JAKMIP1: variants seen among roughly 807,000 people sequenced by gnomAD.
The protein encoded by JAKMIP1 is janus kinase and microtubule interacting protein 1.
In JAKMIP1, 33 loss-of-function variants were observed where a neutral mutation model predicts 113.0. That is an observed-to-expected ratio of 0.29 (90% CI 0.22 to 0.39). JAKMIP1 has a LOEUF of 0.39. Ranked by LOEUF, JAKMIP1 falls within the 10% of genes least tolerant of loss-of-function variation. The pLI, the probability that JAKMIP1 is intolerant of heterozygous loss-of-function variation, is 1.00. For synonymous variants in JAKMIP1, 480 were observed against 459.9 expected (o/e 1.04, Z -0.56); for missense variants, 813 against 1,080.5 (o/e 0.75, Z 3.47).
intron 1 of JAKMIP1, among the ~76,000 whole-genome samples, chr4:6,171,690 C>A (rs895547750): frequency 6.6e-6 from 1 of 152,160 alleles, no homozygotes; most frequent in African/African-American, 2.4e-5. Flanking sequence ...TGAAGGTTGG[C>A]GGTTCACCCT....
At chr4:6,115,310 T>A (rs2108895678) in intron 1 of JAKMIP1, among the ~76,000 whole-genome samples, 1 of 152,280 alleles carries the variant, frequency 6.6e-6, no homozygotes, top group East Asian at 1.9e-4. Flanking sequence ...CTCAGGAGGC[T>A]GAGACAGGAG....
intron 18 of JAKMIP1, among the ~76,000 whole-genome samples, 159 bp from the exon 19 acceptor site, chr4:6,036,266 A>G (rs1186692094): frequency 3.3e-5 from 5 of 152,170 alleles, no homozygotes; most frequent in Non-Finnish European, 7.4e-5. Context: ...TGCCCGGGGG[A>G]GCAGGCTGTG....
At position 6,094,397 on chromosome 4, in the gene JAKMIP1, T is replaced by C. The variant is rs748584293; in HGVS notation, c.625-8768A>G. 6.6e-6 allele frequency among the ~76,000 whole-genome samples: 1 copy of C among 152,158 alleles called. No individual in the cohort carries two copies. Among genetic ancestry groups the C allele is most frequent in the Non-Finnish European group, 1.5e-5 (1 of 68,022 alleles). The stretch of plus-strand genomic sequence containing the variant: ...GAGAAGGCCAGAAATGGGCCACTCC[T>C]ACCCAACTGACAGGAGGAATCGTGC... On this transcript the variant is annotated intron_variant, in intron 3 of 20. Transcript: ENST00000409021. This position sits in a 1 kb window ranked among gnomAD's most constrained non-coding sequence, Gnocchi z 4.2.
chr4:6,181,799 C>T lies in JAKMIP1; in HGVS notation c.-148+18454G>A, dbSNP rs1201898807. Among the ~76,000 whole-genome samples, 3 of 152,178 alleles carry T rather than the reference C, an allele frequency of 2.0e-5. No homozygotes were observed. The highest frequency in any genetic ancestry group is 4.4e-5 in the Non-Finnish European group (3 of 68,030). ...ACATGAATCTCACACAGCCCCTTCC[C>T]TCACAGAGCTCTAGCCAGCGGGGAA... On this transcript the variant is annotated intron_variant, in intron 1 of 20. Transcript: ENST00000409021. This position sits in a 1 kb window ranked among gnomAD's most constrained non-coding sequence, Gnocchi z 5.4.
At chr4:6,047,271 A>C (rs897582580) in intron 16 of JAKMIP1, among the ~76,000 whole-genome samples, 2 of 152,260 alleles carry the variant, frequency 1.3e-5, no homozygotes, top group Non-Finnish European at 2.9e-5. Context: ...CGTGCTCAGC[A>C]CTTGACACTA....
intron 19 of JAKMIP1, among the ~76,000 whole-genome samples, chr4:6,035,630 A>G (rs901550721): frequency 6.6e-6 from 1 of 152,230 alleles, no homozygotes; most frequent in African/African-American, 2.4e-5. Context: ...AACAGCGTGC[A>G]GATGCTGGAG....
At position 6,042,108 on chromosome 4, in the gene JAKMIP1, T is replaced by C. The variant is rs1035703163; in HGVS notation, c.2097+51A>G. On this transcript the variant is annotated intron_variant, in intron 17 of 20. Coordinates refer to ENST00000409021, the MANE Select transcript of JAKMIP1 (RefSeq NM_001099433.2). This position sits in a 1 kb window ranked among gnomAD's most constrained non-coding sequence, Gnocchi z 5.2. ...CAAAGCCTTCCTGCAAATCAACCTC[T>C]CTGAGCTCTTTGAACCCTCTCCCCC... 1.4e-6 allele frequency: 2 copies of C among 1,425,726 alleles called. No homozygotes were observed. The highest frequency in any genetic ancestry group is 1.4e-5 in the African/African-American group (1 of 70,960). 88.3% of individuals were successfully genotyped at this position (1,425,726 alleles called of 1,614,324 possible).
rs1373400353 is a variant in JAKMIP1 at position 6,080,684 on chromosome 4, G to A, written c.1102-372C>T. Among the ~76,000 whole-genome samples the A allele has an allele frequency of 6.6e-6, 1 of 152,128 alleles. No homozygotes were observed. Among genetic ancestry groups the A allele is most frequent in the Non-Finnish European group, 1.5e-5 (1 of 68,028 alleles). On this transcript the variant is annotated intron_variant, in intron 6 of 20. Coordinates refer to ENST00000409021, the MANE Select transcript of JAKMIP1 (RefSeq NM_001099433.2). This position sits in a 1 kb window ranked among gnomAD's most constrained non-coding sequence, Gnocchi z 6.0. Reference sequence around the variant, plus strand: ...GTGCCTTTAGCTTTCTGCCATGATTGTGAGGCCTCCCCAGCCACGTGAAAC... The same window carrying A: ...GTGCCTTTAGCTTTCTGCCATGATTATGAGGCCTCCCCAGCCACGTGAAAC...
chr4:6,032,558 C>T (rs79258309), intron 19 of JAKMIP1, among the ~76,000 whole-genome samples: 17,572 of 152,234 alleles, frequency 0.12, 1,448 homozygotes, highest in African/African-American at 0.22. Context: ...CCAATGTCCA[C>T]TGAGCCCCTT....
intron 3 of JAKMIP1, among the ~76,000 whole-genome samples, chr4:6,085,900 GTCTC>G (rs1721224636): frequency 6.6e-6 from 1 of 152,192 alleles, no homozygotes; most frequent in Admixed American, 6.5e-5. Flanking sequence ...GTATGCTCCT[GTCTC>G]TCTCACTTTA....
chr4:6,081,639 G>C lies in JAKMIP1; in HGVS notation c.1071C>G (p.Ile357Met), dbSNP rs572338273. ...LQSIQRMEEK[I>M]KNLTRENVEM... Reference sequence around the variant, plus strand: ...CCACGTTTTCCCGCGTGAGGTTCTTGATTTTCTCCTCCATCCTCTGGATAC... The same window carrying C: ...CCACGTTTTCCCGCGTGAGGTTCTTCATTTTCTCCTCCATCCTCTGGATAC... Residue 357 changes from isoleucine (I) to methionine (M), a missense_variant, in exon 6 of 21, where the codon ATC becomes ATG. This residue lies in a region of JAKMIP1 where 540 missense variants were observed against 653.9 expected (regional missense o/e 0.83). Transcript: ENST00000409021. This position sits in a 1 kb window ranked among gnomAD's most constrained non-coding sequence, Gnocchi z 4.6. 2.8e-5 allele frequency: 45 copies of C among 1,614,140 alleles called. No homozygotes were observed. In the East Asian group the frequency reaches 9.4e-4, roughly 34 times the overall value.
chr4:6,151,827 T>A (rs1026226059), intron 1 of JAKMIP1, among the ~76,000 whole-genome samples: 7 of 152,182 alleles, frequency 4.6e-5, no homozygotes, highest in Admixed American at 2.6e-4. Context: ...AAAATGAGAT[T>A]ATCCAATAAC....
chr4:6,078,927 T>C lies in JAKMIP1; in HGVS notation c.1302+12A>G. 2 of 1,613,838 alleles carry C rather than the reference T, an allele frequency of 1.2e-6. No individual in the cohort carries two copies. Among genetic ancestry groups the C allele is most frequent in the Non-Finnish European group, 1.7e-6 (2 of 1,179,736 alleles). ...GCGGCAAGGTAGGGCAGGTGCACCA[T>C]CGCAGGCTCACCTTGGGCGGTTTCA... is the stretch of plus-strand genomic sequence containing the variant. On this transcript the variant is annotated intron_variant, in intron 8 of 20. Transcript: ENST00000409021.
At chr4:6,096,848 A>T (rs1192023133) in intron 3 of JAKMIP1, among the ~76,000 whole-genome samples, 1 of 152,250 alleles carries the variant, frequency 6.6e-6, no homozygotes, top group Non-Finnish European at 1.5e-5. Flanking sequence ...TTATACATAT[A>T]GCTGAAAGGT....
intron 5 of JAKMIP1, among the ~76,000 whole-genome samples, chr4:6,082,056 C>A (rs1720643899): frequency 6.6e-6 from 1 of 152,110 alleles, no homozygotes; most frequent in Non-Finnish European, 1.5e-5. Flanking sequence ...AAATATCTAT[C>A]AATATCATGA....
rs1011083476 is a variant in JAKMIP1 at position 6,092,587 on chromosome 4, C to T, written c.625-6958G>A. On this transcript the variant is annotated intron_variant, in intron 3 of 20. Transcript: ENST00000409021. ...GAAAAGATAGAATATAAGCAAAATA[C>T]CCTTCGTCGTTATTCTGTCACTGAA... is the stretch of plus-strand genomic sequence containing the variant. 3.3e-5 allele frequency among the ~76,000 whole-genome samples: 5 copies of T among 152,322 alleles called. No individual in the cohort carries two copies. The East Asian group carries it at 9.6e-4, about 29-fold the overall frequency.
rs116003652 is a variant in JAKMIP1, at chr4:6,182,373, C to T, written c.-148+17880G>A. ...GCAATGAACAGTGATTACACCACTG[C>T]ACTCCAGCCTGGGTAACAGAGCGAG... On this transcript the variant is annotated intron_variant, in intron 1 of 20. Transcript: ENST00000409021. Among the ~76,000 whole-genome samples the T allele has an allele frequency of 1.0e-3, 147 of 141,648 alleles. 2 individuals carry two copies. The highest frequency in any genetic ancestry group is 6.5e-3 in the South Asian group (29 of 4,492). 92.9% of individuals were successfully genotyped at this position (141,648 alleles called of 152,430 possible). A position where few individuals can be genotyped will look rare whatever the true frequency, so the allele number is the denominator to read the frequency against.
At chr4:6,056,341 C>T (rs1045862173) in intron 12 of JAKMIP1, among the ~76,000 whole-genome samples, 18 of 151,498 alleles carry the variant, frequency 1.2e-4, no homozygotes, top group African/African-American at 4.4e-4. Context: ...CAGGTGTCCC[C>T]AGAGGACAGG....
At chr4:6,077,252 T>C (rs1719811610) in intron 8 of JAKMIP1, among the ~76,000 whole-genome samples, 1 of 152,050 alleles carries the variant, frequency 6.6e-6, no homozygotes, top group Non-Finnish European at 1.5e-5. Context: ...GTGGTGGCTT[T>C]ATATGTGAAG....
Sources: gnomAD v4.1 joint callset for allele counts (sites outside exome capture counted in the v4.1 genomes callset) on GRCh38, gnomAD v4.1.1 for gene constraint, gnomAD v4.1.1 regional missense constraint, Gnocchi (gnomAD v3.1) non-coding constraint, MANE v1.5 for transcripts, NCBI Gene and HGNC (gene_info 2026-07-23, HGNC 2026-07-21) for gene names.